Variants in DLC1 observed in about 807,000 individuals in gnomAD.
The protein encoded by DLC1 is rho GTPase-activating protein 7.
DLC1 carries 54 observed loss-of-function variants against 140.3 expected under a neutral mutation model. The observed-to-expected ratio is 0.38, with a 90% CI of 0.31 to 0.48. DLC1 has a LOEUF of 0.48. DLC1 is among the 20% of genes least tolerant of loss of function. The pLI is 0.96. For missense variants in DLC1, 2,536 were observed against 1,907.0 expected, an observed-to-expected ratio of 1.33 and a Z score of -6.14; for synonymous variants, 986 against 728.1, an observed-to-expected ratio of 1.35 and a Z score of -5.70.
intron 4 of DLC1, among the ~76,000 whole-genome samples, chr8:13,325,183 G>A (rs1833287557): frequency 6.6e-6 from 1 of 152,174 alleles, no homozygotes. Flanking sequence ...AATCTCAGAA[G>A]TTGGTCAGTG....
intron 1 of DLC1, among the ~76,000 whole-genome samples, chr8:13,566,592 G>C (rs1585281290): frequency 6.6e-6 from 1 of 152,284 alleles, no homozygotes; most frequent in South Asian, 2.1e-4. Context: ...GTTCGGATTT[G>C]TCACAGGCCA....
chr8:13,400,900 C>T (rs960203244), intron 3 of DLC1, among the ~76,000 whole-genome samples: 4 of 152,104 alleles, frequency 2.6e-5, no homozygotes, highest in Admixed American at 2.0e-4. Flanking sequence ...AAGAGAGTGT[C>T]TATATTATGT....
At chr8:13,432,701 A>G (rs2117400353) in intron 2 of DLC1, among the ~76,000 whole-genome samples, 1 of 152,322 alleles carries the variant, frequency 6.6e-6, no homozygotes, top group East Asian at 1.9e-4. Context: ...AATGTTATTC[A>G]GTTTTGGCAA....
intron 1 of DLC1, among the ~76,000 whole-genome samples, chr8:13,523,910 G>T (rs1802836976): frequency 6.6e-6 from 1 of 151,582 alleles, no homozygotes; most frequent in Non-Finnish European, 1.5e-5. Context: ...AGAAAGTATA[G>T]AAATGTTGAA....
chr8:13,345,330 A>G (rs13273640), intron 4 of DLC1, among the ~76,000 whole-genome samples: 40,139 of 151,860 alleles, frequency 0.26, 5,689 homozygotes, highest in Non-Finnish European at 0.29. Context: ...AGTCGATTCA[A>G]TTCCCCTATA....
intron 4 of DLC1, among the ~76,000 whole-genome samples, chr8:13,318,030 G>T (rs1832925066): frequency 6.6e-6 from 1 of 151,796 alleles, no homozygotes; most frequent in African/African-American, 2.4e-5. Context: ...AATTAAATTA[G>T]GTTTATTTAT....
Position 13,315,733 on chromosome 8 carries a change from C to T in DLC1, c.1315-10431G>A, listed in dbSNP as rs187864981. On this transcript the variant is annotated intron_variant, in intron 4 of 17. Coordinates refer to ENST00000276297, the MANE Select transcript of DLC1 (RefSeq NM_182643.3). ...ACCCAGCTTTCCTTTCTATCCCATC[C>T]TCTGTGCAGGAATGGTGACCTGGAT... Among the ~76,000 whole-genome samples the T allele has an allele frequency of 2.6e-5, 4 of 152,288 alleles. No homozygotes were observed. In the East Asian group the frequency reaches 5.8e-4, roughly 22 times the overall value.
chr8:13,568,937 T>G (rs1804549380), intron 1 of DLC1, among the ~76,000 whole-genome samples: 1 of 152,200 alleles, frequency 6.6e-6, no homozygotes, highest in African/African-American at 2.4e-5. Context: ...AATATTTAGC[T>G]GTAAGGGGAA....
In DLC1 at chr8:13,092,680, G is replaced by A. The variant is rs983089854; in HGVS notation, c.3672C>T (p.Asn1224=). The change falls in exon 13 of 18, where the codon AAC becomes AAT. Residue 1224 remains asparagine (N), a synonymous_variant. Transcript: ENST00000276297. The part of the protein sequence containing the change: ...AVKENQMTPT[N]LAVCLAPSLF... Reference sequence around the variant, plus strand: ...GGGAAGGCGCTAAGCACACGGCCAGGTTGGTTGGGGTCATCTGGTTTTCTT... The same window carrying A: ...GGGAAGGCGCTAAGCACACGGCCAGATTGGTTGGGGTCATCTGGTTTTCTT... 8 of 1,614,086 alleles carry A rather than the reference G, an allele frequency of 5.0e-6. No individual in the cohort carries two copies. The highest frequency in any genetic ancestry group is 1.1e-5 in the South Asian group (1 of 91,092).
intron 2 of DLC1, among the ~76,000 whole-genome samples, chr8:13,484,729 C>CA (rs1800886105): frequency 6.6e-6 from 1 of 151,942 alleles, no homozygotes; most frequent in Non-Finnish European, 1.5e-5. Flanking sequence ...CTAATGGCAG[C>CA]AACAGTAGGC....
At chr8:13,214,546 C>T (rs1237318144) in intron 5 of DLC1, 2 of 696,930 alleles carry the variant, frequency 2.9e-6, no homozygotes, top group Admixed American at 2.3e-5. Context: ...GTCCCCCGGC[C>T]CCAACCCCAC....
intron 5 of DLC1, among the ~76,000 whole-genome samples, chr8:13,203,715 G>C (rs141862865): frequency 1.3e-5 from 2 of 152,196 alleles, no homozygotes; most frequent in Non-Finnish European, 2.9e-5. Context: ...ATATTCCTCA[G>C]GATTATTGAC....
chr8:13,551,991 A>G (rs1803873581), intron 1 of DLC1, among the ~76,000 whole-genome samples: 1 of 143,640 alleles, frequency 7.0e-6, no homozygotes, highest in Non-Finnish European at 1.5e-5. Context: ...GTGTATATAT[A>G]TGTGTGTGTG....
intron 5 of DLC1, among the ~76,000 whole-genome samples, chr8:13,300,409 A>G (rs1229364799): frequency 6.6e-6 from 1 of 152,220 alleles, no homozygotes; most frequent in African/African-American, 2.4e-5. Flanking sequence ...AAATTTGCAC[A>G]TCCTGCACAT....
rs547422083 is a variant in DLC1 at position 13,376,619 on chromosome 8, A to T, written c.1314+16934T>A. On this transcript the variant is annotated intron_variant, in intron 4 of 17. Coordinates refer to ENST00000276297, the MANE Select transcript of DLC1 (RefSeq NM_182643.3). ...GCAGGTGGGTAGCTCAGGAAGAGTG[A>T]TTTGATTTTTTGGATTTATAAGTAG... 6.6e-5 allele frequency among the ~76,000 whole-genome samples: 10 copies of T among 152,350 alleles called. No homozygotes were observed. In the South Asian group the frequency reaches 1.9e-3, roughly 28 times the overall value.
intron 5 of DLC1, among the ~76,000 whole-genome samples, chr8:13,256,985 G>C (rs1002939926): frequency 1.3e-5 from 2 of 151,774 alleles, no homozygotes; most frequent in African/African-American, 4.8e-5. Context: ...GCTGAGTGAA[G>C]GCTATTCTTT....
chr8:13,276,705 G>T lies in DLC1; in HGVS notation c.1348+28564C>A, dbSNP rs111856314. On this transcript the variant is annotated intron_variant, in intron 5 of 17. Coordinates refer to ENST00000276297, the MANE Select transcript of DLC1 (RefSeq NM_182643.3). ...AACCCAATGACTCACCTGGGTCCGC[G>T]CCGGGCTGCTCCTGGGTCACATAGC... 3,569 of 735,852 alleles carry T rather than the reference G, an allele frequency of 4.9e-3. 85 individuals carry two copies. In the African/African-American group the frequency reaches 0.061, roughly 13 times the overall value. The allele number at this position is 735,852 out of a possible 1,614,324, so 45.6% of individuals were successfully genotyped here.
At chr8:13,240,698 G>T (rs1829508860) in intron 5 of DLC1, among the ~76,000 whole-genome samples, 1 of 152,170 alleles carries the variant, frequency 6.6e-6, no homozygotes, top group Admixed American at 6.5e-5. Flanking sequence ...CTCCCAAAGT[G>T]CTGGGATTAC....
In DLC1 at chr8:13,401,552, T is replaced by C. The variant is rs747056442; in HGVS notation, c.1091A>G (p.Gln364Arg). ...SMVLLIMKLD[Q>R]LDQDIENALS... ...GGCATTTTCTATGTCCTGATCAAGC[T>C]GGTCCAGTTTCATAATCAGCAGCAC... Residue 364 changes from glutamine (Q) to arginine (R), a missense_variant, in exon 3 of 18, where the codon CAG becomes CGG. Transcript: ENST00000276297. 48 of 1,613,562 alleles carry C rather than the reference T, an allele frequency of 3.0e-5. No individual in the cohort carries two copies. The highest frequency in any genetic ancestry group is 3.9e-5 in the Non-Finnish European group (46 of 1,180,026).
Sources: gnomAD v4.1 joint callset for allele counts (sites outside exome capture counted in the v4.1 genomes callset) on GRCh38, gnomAD v4.1.1 for gene constraint, MANE v1.5 for transcripts, NCBI Gene and HGNC (gene_info 2026-07-23, HGNC 2026-07-21) for gene names.